Variants in CNTN4 observed in about 807,000 individuals in gnomAD.
CNTN4 encodes contactin-4.
A neutral mutation model predicts 122.5 loss-of-function variants in CNTN4; 77 were observed. That is an observed-to-expected ratio of 0.63 (90% CI 0.52 to 0.76). The LOEUF is 0.76. Ranked by LOEUF, CNTN4 falls within the 30% of genes least tolerant of loss-of-function variation. CNTN4 has a pLI of 0.00. For missense variants in CNTN4, 1,256 were observed against 1,259.1 expected, an observed-to-expected ratio of 1.00 and a Z score of 0.04; for synonymous variants, 512 against 447.0, an observed-to-expected ratio of 1.15 and a Z score of -1.83.
intron 2 of CNTN4, among the ~76,000 whole-genome samples, chr3:2,282,009 T>A (rs2041733267): frequency 6.6e-6 from 1 of 152,182 alleles, no homozygotes; most frequent in South Asian, 2.1e-4. Flanking sequence ...TATTTTTGCA[T>A]ATAATCCTGC....
intron 7 of CNTN4, among the ~76,000 whole-genome samples, chr3:2,864,740 C>CAAAAAAAAAA (rs56398439): frequency 5.5e-5 from 3 of 54,694 alleles, no homozygotes; most frequent in East Asian, 6.5e-4. Context: ...AACTCCATCT[C>CAAAAAAAAAA]AAAAAAAAAA....
At chr3:2,137,529 G>C (rs2125314302) in intron 2 of CNTN4, among the ~76,000 whole-genome samples, 1 of 152,278 alleles carries the variant, frequency 6.6e-6, no homozygotes, top group South Asian at 2.1e-4. Context: ...TATTCAAAAT[G>C]AATTGTATTG....
intron 2 of CNTN4, among the ~76,000 whole-genome samples, chr3:2,260,738 T>TA (rs2040803088): frequency 6.6e-6 from 1 of 151,470 alleles, no homozygotes; most frequent in South Asian, 2.1e-4. Flanking sequence ...ATTTATTTTT[T>TA]TTTTGAGACA....
chr3:2,617,419 C>CTTTTTTTTTTTTTTTTTTTTTTTTTT (rs71058631), intron 4 of CNTN4, among the ~76,000 whole-genome samples: 1 of 108,528 alleles, frequency 9.2e-6, no homozygotes, highest in African/African-American at 3.6e-5. Flanking sequence ...AGAGAAATGC[C>CTTTTTTTTTTTTTTTTTTTTTTTTTT]TTTTTTTTTT....
At chr3:2,377,835 C>G (rs2150732015) in intron 3 of CNTN4, among the ~76,000 whole-genome samples, 1 of 152,068 alleles carries the variant, frequency 6.6e-6, no homozygotes, top group East Asian at 1.9e-4. Context: ...TGGCGCCAGA[C>G]AATTCCTCTT....
intron 2 of CNTN4, among the ~76,000 whole-genome samples, chr3:2,149,862 C>G (rs112866020): frequency 1.3e-5 from 2 of 151,758 alleles, no homozygotes; most frequent in African/African-American, 2.4e-5. Flanking sequence ...CTCATACTGA[C>G]AACATAACCA....
At chr3:2,331,096 T>C (rs919089579) in intron 2 of CNTN4, among the ~76,000 whole-genome samples, 2 of 152,172 alleles carry the variant, frequency 1.3e-5, no homozygotes, top group African/African-American at 2.4e-5. Flanking sequence ...TTCTGCAGAT[T>C]GCCAGCACAT....
chr3:2,670,573 G>A (rs1159441573), intron 4 of CNTN4, among the ~76,000 whole-genome samples: 1 of 152,224 alleles, frequency 6.6e-6, no homozygotes, highest in African/African-American at 2.4e-5. Context: ...TCTTTTAATT[G>A]GAGCATTTAG....
intron 2 of CNTN4, among the ~76,000 whole-genome samples, chr3:2,167,993 A>G (rs2036277551): frequency 1.3e-5 from 2 of 152,156 alleles, no homozygotes; most frequent in South Asian, 4.1e-4. Flanking sequence ...TTAAAACATT[A>G]GCTGGGCATG....
chr3:2,634,691 T>A lies in CNTN4; in HGVS notation c.55+63133T>A, dbSNP rs559192155. On this transcript the variant is annotated intron_variant, in intron 4 of 24. Coordinates refer to ENST00000418658, the MANE Select transcript of CNTN4 (RefSeq NM_175607.3). ...TAAAAATACAGAAAAAAAAAAAATATATATATATATATATGTTAGCTGGGC... is the reference window on the plus strand; with the variant it reads ...TAAAAATACAGAAAAAAAAAAAATAAATATATATATATATGTTAGCTGGGC... 7.7e-3 allele frequency among the ~76,000 whole-genome samples: 1,043 copies of A among 135,422 alleles called. 4 individuals carry two copies. Among genetic ancestry groups the A allele is most frequent in the Middle Eastern group, 0.018 (5 of 274 alleles). The allele number at this position is 135,422 out of a possible 152,430, so 88.8% of individuals were successfully genotyped here.
chr3:2,994,598 T>TATATATATAC (rs1299633780), intron 14 of CNTN4, among the ~76,000 whole-genome samples: 1 of 143,566 alleles, frequency 7.0e-6, no homozygotes, highest in Non-Finnish European at 1.5e-5. Context: ...TTTTTTCATA[T>TATATATATAC]ATATATATAT....
chr3:2,998,539 C>A (rs1257919231), intron 14 of CNTN4, among the ~76,000 whole-genome samples: 2 of 151,892 alleles, frequency 1.3e-5, no homozygotes, highest in African/African-American at 4.8e-5. Context: ...AACAAAGACA[C>A]AGAGCTGTGT....
chr3:2,582,736 A>G (rs961078129), intron 4 of CNTN4, among the ~76,000 whole-genome samples: 2 of 152,060 alleles, frequency 1.3e-5, no homozygotes, highest in South Asian at 2.1e-4. Flanking sequence ...CACTTCACCT[A>G]TTTTCAATTT....
Position 3,037,265 on chromosome 3 carries a change from G to A in CNTN4, c.2029G>A (p.Ala677Thr), listed in dbSNP as rs1699691115. 2 of 1,614,096 alleles carry A rather than the reference G, an allele frequency of 1.2e-6. No individual in the cohort carries two copies. The highest frequency in any genetic ancestry group is 1.7e-6 in the Non-Finnish European group (2 of 1,180,048). Reference protein sequence around the residue: ...WVEYEFRTVAANVIGIGEPSR... With the variant: ...WVEYEFRTVATNVIGIGEPSR... Reference sequence around the variant, plus strand: ...TGAATATGAATTCCGCACAGTTGCAGCCAACGTGATTGGGATTGGGGAGCC... The same window carrying A: ...TGAATATGAATTCCGCACAGTTGCAACCAACGTGATTGGGATTGGGGAGCC... The change falls in exon 18 of 25, where the codon GCC becomes ACC. Residue 677 changes from alanine to threonine, a missense_variant. Coordinates refer to ENST00000418658, the MANE Select transcript of CNTN4 (RefSeq NM_175607.3).
chr3:2,702,365 T>A (rs952284932), intron 4 of CNTN4, among the ~76,000 whole-genome samples: 2 of 152,230 alleles, frequency 1.3e-5, no homozygotes, highest in African/African-American at 2.4e-5. Flanking sequence ...TCCGTATGGA[T>A]AAAGCAACAA....
Position 2,286,208 on chromosome 3 carries a change from C to CGTGTGT in CNTN4, c.-144-52960_-144-52955dup, listed in dbSNP as rs372804004. ...ATACTGTATTTCTCGGATCTCCTGCCGTGTGTGTGTGTGTGCATACACCCC... is the reference window on the plus strand; with the variant it reads ...ATACTGTATTTCTCGGATCTCCTGCCGTGTGTGTGTGTGTGTGTGTGCATACACCCC... On this transcript the variant is annotated intron_variant, in intron 2 of 24. Coordinates refer to ENST00000418658, the MANE Select transcript of CNTN4 (RefSeq NM_175607.3). Among the ~76,000 whole-genome samples, 90 of 143,146 alleles carry CGTGTGT rather than the reference C, an allele frequency of 6.3e-4. 1 individual carries two copies. Among genetic ancestry groups the CGTGTGT allele is most frequent in the Middle Eastern group, 3.7e-3 (1 of 270 alleles). The allele number at this position is 143,146 out of a possible 152,430, so 93.9% of individuals were successfully genotyped here. A position where few individuals can be genotyped will look rare whatever the true frequency, so the allele number is the denominator to read the frequency against.
chr3:2,491,958 ATTATC>A (rs1181289399), intron 3 of CNTN4, among the ~76,000 whole-genome samples: 2 of 152,050 alleles, frequency 1.3e-5, no homozygotes, highest in Non-Finnish European at 2.9e-5. Flanking sequence ...TTAGGCAATG[ATTATC>A]TTAAGTCTTT....
rs539710715 is a variant in CNTN4 at position 2,597,464 on chromosome 3, C to A, written c.55+25906C>A. Among the ~76,000 whole-genome samples the A allele has an allele frequency of 7.2e-5, 11 of 152,204 alleles. No individual in the cohort carries two copies. In the South Asian group the frequency reaches 1.7e-3, roughly 23 times the overall value. ...GCCTTAAGCAAAGTTAATAAAAATG[C>A]GAAAGTATTGTGTCTTGACATAAGG... On this transcript the variant is annotated intron_variant, in intron 4 of 24. Transcript: ENST00000418658.
chr3:2,441,474 T>C (rs894810455), intron 3 of CNTN4, among the ~76,000 whole-genome samples: 1 of 152,186 alleles, frequency 6.6e-6, no homozygotes, highest in Non-Finnish European at 1.5e-5. Context: ...TGGAGAAATA[T>C]TCTAACAAAG....
Sources: allele counts gnomAD v4.1 joint callset (sites outside exome capture counted in the v4.1 genomes callset), GRCh38; gene constraint gnomAD v4.1.1; transcripts MANE v1.5; gene names NCBI Gene and HGNC (gene_info 2026-07-23, HGNC 2026-07-21).